ADAM10: variants seen among roughly 807,000 people sequenced by gnomAD.
ADAM10 encodes the protein disintegrin and metalloproteinase domain-containing protein 10.
A neutral mutation model predicts 90.1 loss-of-function variants in ADAM10; 17 were observed. The ratio of observed to expected loss-of-function variants is 0.19; its 90% CI spans 0.13 to 0.28. The LOEUF is 0.28. Among genes scored for constraint, ADAM10 ranks in the 10% least tolerant of loss-of-function variants. The probability of loss-of-function intolerance (pLI) is 1.00; values close to 1 mark genes in which losing one functional copy is unlikely to be tolerated. For missense variants in ADAM10, 610 were observed against 914.3 expected (o/e 0.67, Z 4.29); for synonymous variants, 310 against 298.6 (o/e 1.04, Z -0.40).
intron 1 of ADAM10, among the ~76,000 whole-genome samples, chr15:58,727,835 T>G (rs1899091485): frequency 6.6e-6 from 1 of 151,986 alleles, no homozygotes; most frequent in African/African-American, 2.4e-5. Flanking sequence ...ATTTCCTAAT[T>G]CAAGAAGAAA....
intron 14 of ADAM10, among the ~76,000 whole-genome samples, chr15:58,607,395 G>A (rs569147288): frequency 6.6e-6 from 1 of 152,310 alleles, no homozygotes; most frequent in East Asian, 1.9e-4. Context: ...TCTAGGGTTA[G>A]GTAAGTTTGG....
intron 7 of ADAM10, among the ~76,000 whole-genome samples, chr15:58,641,950 T>C (rs973629993): frequency 1.2e-4 from 19 of 152,146 alleles, no homozygotes; most frequent in African/African-American, 3.9e-4. Flanking sequence ...AAAAACACCA[T>C]TGAGGGCAAC....
At chr15:58,727,694 T>TA (rs1262915532) in intron 1 of ADAM10, among the ~76,000 whole-genome samples, 1 of 152,020 alleles carries the variant, frequency 6.6e-6, no homozygotes, top group Non-Finnish European at 1.5e-5. Flanking sequence ...AAAGATGAGT[T>TA]AAAGTAAAAA....
intron 2 of ADAM10, among the ~76,000 whole-genome samples, chr15:58,697,378 TG>T (rs1898009453): frequency 6.6e-6 from 1 of 152,104 alleles, no homozygotes; most frequent in Non-Finnish European, 1.5e-5. Flanking sequence ...ACTGGGGCCA[TG>T]GGGATCACCC....
At chr15:58,636,598 A>T (rs1277804034) in intron 8 of ADAM10, among the ~76,000 whole-genome samples, 2 of 152,220 alleles carry the variant, frequency 1.3e-5, no homozygotes, top group African/African-American at 4.8e-5. Flanking sequence ...TCGGGTCAAA[A>T]GTAATTATTG....
chr15:58,625,439 A>G (rs1221481176), intron 10 of ADAM10, among the ~76,000 whole-genome samples: 1 of 152,232 alleles, frequency 6.6e-6, no homozygotes, highest in Non-Finnish European at 1.5e-5. Flanking sequence ...GAGAAATGCA[A>G]ATTAAAACCA....
intron 1 of ADAM10, among the ~76,000 whole-genome samples, chr15:58,730,678 A>G (rs1221173745): frequency 6.6e-6 from 1 of 152,166 alleles, no homozygotes; most frequent in Non-Finnish European, 1.5e-5. Context: ...AGACCTAGAG[A>G]GCTGGTAAAG....
chr15:58,676,298 A>G (rs761017189), intron 4 of ADAM10: 10 of 455,826 alleles, frequency 2.2e-5, no homozygotes, highest in South Asian at 1.2e-4. Flanking sequence ...CTTCACCTAT[A>G]AAGTGGGAAT....
chr15:58,667,140 A>G (rs1244285392), intron 4 of ADAM10, among the ~76,000 whole-genome samples: 3 of 152,168 alleles, frequency 2.0e-5, no homozygotes, highest in African/African-American at 7.2e-5. Flanking sequence ...ATTCTTTCAC[A>G]AACAATGAGT....
At chr15:58,678,400 G>C (rs1326719453) in intron 4 of ADAM10, among the ~76,000 whole-genome samples, 1 of 152,032 alleles carries the variant, frequency 6.6e-6, no homozygotes, top group African/African-American at 2.4e-5. Flanking sequence ...GCCAAGTTAG[G>C]AAAGCAGGCA....
chr15:58,748,688 G>A (rs183025069), intron 1 of ADAM10: 6 of 370,308 alleles, frequency 1.6e-5, no homozygotes, highest in Non-Finnish European at 2.9e-5. Flanking sequence ...TACTCTAAGA[G>A]ACCCAATCCA....
chr15:58,743,540 T>C (rs655348), intron 1 of ADAM10, among the ~76,000 whole-genome samples: 26,009 of 152,142 alleles, frequency 0.17, 2,473 homozygotes, highest in East Asian at 0.44. Flanking sequence ...AGCTACTTAC[T>C]AGAAACCAGC....
chr15:58,630,082 T>C (rs1896060813), intron 9 of ADAM10, among the ~76,000 whole-genome samples: 2 of 152,156 alleles, frequency 1.3e-5, no homozygotes, highest in African/African-American at 4.8e-5. Context: ...CCTCCATGTG[T>C]ACAGTTATAC....
At chr15:58,649,280 G>T (rs1896627179) in intron 5 of ADAM10, among the ~76,000 whole-genome samples, 1 of 151,954 alleles carries the variant, frequency 6.6e-6, no homozygotes, top group African/African-American at 2.4e-5. Context: ...TCCTAGAAAA[G>T]AACCTCAGAA....
At chr15:58,623,674 G>A (rs1168785300) in intron 10 of ADAM10, among the ~76,000 whole-genome samples, 2 of 152,168 alleles carry the variant, frequency 1.3e-5, no homozygotes, top group Non-Finnish European at 2.9e-5. Context: ...GGACATGGAT[G>A]AAGCTAGAAG....
chr15:58,610,531 G>C lies in ADAM10; in HGVS notation c.1805-14C>G, dbSNP rs779769835. The C allele has an allele frequency of 1.2e-5, 20 of 1,608,546 alleles. No homozygotes were observed. The highest frequency in any genetic ancestry group is 5.1e-6 in the Non-Finnish European group (6 of 1,175,230). On this transcript the variant is annotated splice_polypyrimidine_tract_variant and intron_variant, in intron 13 of 15. Transcript: ENST00000260408. The stretch of plus-strand genomic sequence containing the variant: ...TTGATGGGTCCACTGGAAAAGAAAT[G>C]CCAAATATAAGCTGAAGGTCAGATT...
At chr15:58,725,839 A>C (rs2140829531) in intron 1 of ADAM10, among the ~76,000 whole-genome samples, 1 of 152,274 alleles carries the variant, frequency 6.6e-6, no homozygotes, top group Non-Finnish European at 1.5e-5. Context: ...TTCACAAATG[A>C]AGGTGAGAAG....
chr15:58,685,143 C>G (rs1470702604), intron 2 of ADAM10, among the ~76,000 whole-genome samples: 1 of 144,916 alleles, frequency 6.9e-6, no homozygotes, highest in East Asian at 2.1e-4. Context: ...AATCATAGAC[C>G]TCTAAGTTAT....
At chr15:58,633,595 A>G (rs1386733484) in intron 8 of ADAM10, among the ~76,000 whole-genome samples, 1 of 152,176 alleles carries the variant, frequency 6.6e-6, no homozygotes, top group East Asian at 1.9e-4. Context: ...GCCTTTACAA[A>G]ATGTTCTTCA....
Sources: allele counts gnomAD v4.1 joint callset (sites outside exome capture counted in the v4.1 genomes callset), GRCh38; gene constraint gnomAD v4.1.1; transcripts MANE v1.5; gene names NCBI Gene and HGNC (gene_info 2026-07-23, HGNC 2026-07-21).